CDH18: variants seen among roughly 807,000 people sequenced by gnomAD.
CDH18 encodes cadherin 18.
CDH18 carries 31 observed loss-of-function variants against 67.9 expected under a neutral mutation model. That is an observed-to-expected ratio of 0.46 (90% CI 0.34 to 0.62). The LOEUF (loss-of-function observed/expected upper bound fraction) is 0.62. Ranked by LOEUF, CDH18 falls within the 20% of genes least tolerant of loss-of-function variation. The pLI, the probability that CDH18 is intolerant of heterozygous loss-of-function variation, is 0.01. For synonymous variants in CDH18, 362 were observed against 347.2 expected, an observed-to-expected ratio of 1.04 and a Z score of -0.48; for missense variants, 890 against 975.5, an observed-to-expected ratio of 0.91 and a Z score of 1.17.
At chr5:19,622,637 C>G (rs1750897260) in intron 5 of CDH18, among the ~76,000 whole-genome samples, 1 of 152,132 alleles carries the variant, frequency 6.6e-6, no homozygotes, top group Non-Finnish European at 1.5e-5. Flanking sequence ...TGTGAGCTTT[C>G]TGGTAAGTGA....
At chr5:19,602,946 G>A (rs2150072213) in intron 6 of CDH18, among the ~76,000 whole-genome samples, 1 of 146,378 alleles carries the variant, frequency 6.8e-6, no homozygotes, top group East Asian at 2.1e-4. Flanking sequence ...GCCTGGTGAA[G>A]AAGAGCGAAA....
intron 2 of CDH18, among the ~76,000 whole-genome samples, chr5:20,030,173 G>C (rs953217994): frequency 6.6e-6 from 1 of 152,194 alleles, no homozygotes; most frequent in East Asian, 1.9e-4. Flanking sequence ...CCCAAGAAGA[G>C]TGTGACTTTA....
At chr5:19,685,233 C>A (rs1760911326) in intron 5 of CDH18, among the ~76,000 whole-genome samples, 1 of 152,218 alleles carries the variant, frequency 6.6e-6, no homozygotes, top group African/African-American at 2.4e-5. Flanking sequence ...TCAGAAACCT[C>A]AGTGACTTAG....
In CDH18 at chr5:20,529,630, G is replaced by C. The variant is rs1015855482; in HGVS notation, c.-580+45832C>G. Among the ~76,000 whole-genome samples, 10 of 151,948 alleles carry C rather than the reference G, an allele frequency of 6.6e-5. No individual in the cohort carries two copies. The South Asian group carries it at 8.3e-4, about 13-fold the overall frequency. On this transcript the variant is annotated intron_variant, in intron 1 of 14. Transcript: ENST00000507958. ...AATTCATCACATACACAAAACTAAAGATAAAACCAGATGATTATCTCAATA... is the reference window on the plus strand; with the variant it reads ...AATTCATCACATACACAAAACTAAACATAAAACCAGATGATTATCTCAATA...
At position 20,199,316 on chromosome 5, in the gene CDH18, A is replaced by G. The variant is rs554957113; in HGVS notation, c.-518+56128T>C. Among the ~76,000 whole-genome samples, 4 of 152,318 alleles carry G rather than the reference A, an allele frequency of 2.6e-5. No individual in the cohort carries two copies. In the South Asian group the frequency reaches 8.3e-4, roughly 32 times the overall value. ...CCATGGAAACCCACCTCTTGCATCA[A>G]CGTGACCTGGAAGTAGGACATGGAG... On this transcript the variant is annotated intron_variant, in intron 2 of 14. Transcript: ENST00000507958.
At chr5:20,295,389 A>G (rs1292402118) in intron 1 of CDH18, among the ~76,000 whole-genome samples, 4 of 152,210 alleles carry the variant, frequency 2.6e-5, no homozygotes, top group Admixed American at 1.3e-4. Flanking sequence ...GAGATTGAAA[A>G]GAAAATGATT....
intron 1 of CDH18, among the ~76,000 whole-genome samples, chr5:20,396,282 T>A (rs1216965128): frequency 1.3e-5 from 2 of 152,064 alleles, no homozygotes; most frequent in Non-Finnish European, 2.9e-5. Flanking sequence ...TGGTATCTGC[T>A]GGAGATGTGC....
chr5:20,527,944 C>A (rs568287351), intron 1 of CDH18, among the ~76,000 whole-genome samples: 1 of 151,942 alleles, frequency 6.6e-6, no homozygotes, highest in South Asian at 2.1e-4. Flanking sequence ...GCTAAATGCC[C>A]CAATTAAAAG....
intron 2 of CDH18, among the ~76,000 whole-genome samples, chr5:19,960,819 G>T (rs549340198): frequency 9.5e-5 from 14 of 146,876 alleles, no homozygotes; most frequent in Non-Finnish European, 1.3e-4. Flanking sequence ...ACACACACAC[G>T]CACACAAATA....
At chr5:19,590,992 G>A in intron 7 of CDH18, 65 bp downstream of exon 7, 2 of 1,013,444 alleles carry the variant, frequency 2.0e-6, no homozygotes, top group Non-Finnish European at 2.9e-6. Context: ...TCATGCCTCT[G>A]CCAAATTTCC....
At chr5:20,510,142 T>C (rs1754939138) in intron 1 of CDH18, among the ~76,000 whole-genome samples, 1 of 152,120 alleles carries the variant, frequency 6.6e-6, no homozygotes, top group Non-Finnish European at 1.5e-5. Context: ...TGATGACTAG[T>C]GATGTTGAAA....
At chr5:20,056,473 C>CTTTTTTTTTTTTTTT (rs1561754004) in intron 2 of CDH18, among the ~76,000 whole-genome samples, 4 of 13,560 alleles carry the variant, frequency 2.9e-4, no homozygotes, top group African/African-American at 8.4e-4. Context: ...TATTTTCTTT[C>CTTTTTTTTTTTTTTT]TTTTGTTTTT....
At chr5:20,006,111 G>C (rs147495773) in intron 2 of CDH18, among the ~76,000 whole-genome samples, 119 of 151,914 alleles carry the variant, frequency 7.8e-4, no homozygotes, top group South Asian at 2.7e-3. Flanking sequence ...AGATGGAAGG[G>C]GGTAAGTATA....
At chr5:19,973,016 A>T (rs2150341048) in intron 2 of CDH18, among the ~76,000 whole-genome samples, 1 of 152,144 alleles carries the variant, frequency 6.6e-6, no homozygotes, top group South Asian at 2.1e-4. Context: ...AATCGTTAAT[A>T]AAAGAAATGG....
intron 2 of CDH18, among the ~76,000 whole-genome samples, chr5:20,191,960 T>C (rs1431321875): frequency 6.6e-6 from 1 of 152,128 alleles, no homozygotes; most frequent in African/African-American, 2.4e-5. Context: ...GTTGCACTAA[T>C]TTACATTCCC....
intron 2 of CDH18, among the ~76,000 whole-genome samples, chr5:20,181,936 C>T (rs1278484182): frequency 2.0e-5 from 3 of 152,160 alleles, no homozygotes; most frequent in South Asian, 4.1e-4. Context: ...ATTCTTTCCT[C>T]GCTCTGTCTC....
intron 5 of CDH18, among the ~76,000 whole-genome samples, chr5:19,630,760 T>C (rs886974329): frequency 6.6e-6 from 1 of 152,032 alleles, no homozygotes; most frequent in Non-Finnish European, 1.5e-5. Context: ...AATGAACGGG[T>C]CCCCTAGATG....
At chr5:19,963,775 A>G (rs1480270800) in intron 2 of CDH18, among the ~76,000 whole-genome samples, 1 of 152,012 alleles carries the variant, frequency 6.6e-6, no homozygotes, top group Non-Finnish European at 1.5e-5. Context: ...TTACAAATAA[A>G]TGAAGTTTAA....
intron 2 of CDH18, among the ~76,000 whole-genome samples, chr5:19,922,708 T>G (rs1358229895): frequency 6.6e-6 from 1 of 152,172 alleles, no homozygotes; most frequent in African/African-American, 2.4e-5. Flanking sequence ...TCGTTTAAAC[T>G]CTCTGTGTTT....
Sources: gnomAD v4.1 joint callset for allele counts (sites outside exome capture counted in the v4.1 genomes callset) on GRCh38, gnomAD v4.1.1 for gene constraint, MANE v1.5 for transcripts, NCBI Gene and HGNC (gene_info 2026-07-23, HGNC 2026-07-21) for gene names.